Variants in RAPGEF5 observed in about 807,000 individuals in gnomAD.
RAPGEF5 encodes M-Ras-regulated GEF.
RAPGEF5 carries 65 observed loss-of-function variants against 125.2 expected under a neutral mutation model. The observed-to-expected ratio is 0.52, with a 90% confidence interval of 0.43 to 0.64. The LOEUF (loss-of-function observed/expected upper bound fraction) is 0.64. Ranked by LOEUF, RAPGEF5 falls within the 30% of genes least tolerant of loss-of-function variation. The pLI is 0.00. For missense variants in RAPGEF5, 958 were observed against 1,048.1 expected, an observed-to-expected ratio of 0.91 and a Z score of 1.19; for synonymous variants, 391 against 385.9, an observed-to-expected ratio of 1.01 and a Z score of -0.16.
At chr7:22,197,278 T>G (rs1785169037) in intron 9 of RAPGEF5, among the ~76,000 whole-genome samples, 1 of 152,210 alleles carries the variant, frequency 6.6e-6, no homozygotes, top group Admixed American at 6.5e-5. Context: ...TAAGTCAGCT[T>G]GAAGAGACCC....
chr7:22,240,528 T>C (rs1230327004), intron 7 of RAPGEF5, among the ~76,000 whole-genome samples: 1 of 151,984 alleles, frequency 6.6e-6, no homozygotes, highest in African/African-American at 2.4e-5. Flanking sequence ...CCCACCACCA[T>C]GCTCGGCTAA....
In RAPGEF5 at chr7:22,173,683, A is replaced by T. The variant is rs546095102; in HGVS notation, c.1205-6535T>A. Among the ~76,000 whole-genome samples the T allele has an allele frequency of 2.4e-4, 36 of 152,332 alleles. 1 individual carries two copies. The South Asian group carries it at 7.5e-3, about 32-fold the overall frequency. ...TGAATACAACAGGTATTCCGTTCTTAGCTATGCTTAATTCTATACACTGCC... is the reference window on the plus strand; with the variant it reads ...TGAATACAACAGGTATTCCGTTCTTTGCTATGCTTAATTCTATACACTGCC... On this transcript the variant is annotated intron_variant, in intron 11 of 25. Transcript: ENST00000665637.
intron 7 of RAPGEF5, among the ~76,000 whole-genome samples, chr7:22,249,701 A>G (rs1786570035): frequency 6.6e-6 from 1 of 152,196 alleles, no homozygotes; most frequent in Admixed American, 6.5e-5. Flanking sequence ...ACTATAACAT[A>G]TATGTTTTAT....
intron 15 of RAPGEF5, 131 bp from the exon 16 acceptor site, chr7:22,157,019 AGAGAAATAAACTGG>A: frequency 3.5e-6 from 5 of 1,422,778 alleles, no homozygotes; most frequent in Non-Finnish European, 4.6e-6. Flanking sequence ...ATCCAATCTT[AGAGAAATAAACTGG>A]GAGTCGCCTC....
chr7:22,125,793 A>T (rs1022863514), intron 24 of RAPGEF5, 135 bp from the exon 25 acceptor site: 3 of 811,790 alleles, frequency 3.7e-6, no homozygotes, highest in Non-Finnish European at 2.1e-6. Context: ...TTGGAGCTGG[A>T]TGTAGCTTTG....
At chr7:22,151,778 G>A (rs188165486) in intron 17 of RAPGEF5, among the ~76,000 whole-genome samples, 83 of 151,980 alleles carry the variant, frequency 5.5e-4, no homozygotes, top group Non-Finnish European at 7.9e-4. Context: ...CATTACTTTT[G>A]GTAAGTTTAC....
Position 22,136,134 on chromosome 7 carries a change from C to T in RAPGEF5, c.2329-9G>A. On this transcript the variant is annotated splice_polypyrimidine_tract_variant and intron_variant, in intron 22 of 25. Coordinates refer to ENST00000665637, the MANE Select transcript of RAPGEF5 (RefSeq NM_012294.5). Reference sequence around the variant, plus strand: ...TGATTTAGGGAAGGATCCTGCCGAACCAAGCAGATTACAAAGAGAAAGAAA... The same window carrying T: ...TGATTTAGGGAAGGATCCTGCCGAATCAAGCAGATTACAAAGAGAAAGAAA... 6.3e-7 allele frequency: 1 copy of T among 1,587,436 alleles called. No homozygotes were observed. Among genetic ancestry groups the T allele is most frequent in the South Asian group, 1.1e-5 (1 of 87,486 alleles).
intron 18 of RAPGEF5, 138 bp downstream of exon 18, chr7:22,150,269 G>T: frequency 2.6e-6 from 2 of 758,328 alleles, no homozygotes; most frequent in South Asian, 2.0e-5. Context: ...TAGAGACAGG[G>T]TTGCAAACTT....
intron 1 of RAPGEF5, among the ~76,000 whole-genome samples, chr7:22,333,457 A>G (rs1783961298): frequency 6.6e-6 from 1 of 152,238 alleles, no homozygotes; most frequent in South Asian, 2.1e-4. Context: ...CTGAAGGGAA[A>G]GATTATTTCA....
At chr7:22,198,800 G>T (rs941448321) in intron 9 of RAPGEF5, among the ~76,000 whole-genome samples, 7 of 152,172 alleles carry the variant, frequency 4.6e-5, no homozygotes, top group African/African-American at 1.7e-4. Context: ...TCACTATAAT[G>T]ATCCTATGAG....
rs530632905 is a variant in RAPGEF5, at chr7:22,125,643, T to C, written c.2497A>G (p.Thr833Ala). 3 of 1,611,862 alleles carry C rather than the reference T, an allele frequency of 1.9e-6. No homozygotes were observed. The South Asian group carries it at 3.3e-5, about 18-fold the overall frequency. Reference sequence around the variant, plus strand: ...CTGCAGTGTCTCAGGGTTCGGACAGTGTCTGCGATCATATGCTGTAAAGTA... The same window carrying C: ...CTGCAGTGTCTCAGGGTTCGGACAGCGTCTGCGATCATATGCTGTAAAGTA... ...NFEKLHMIAD[T>A]VRTLRHCRTN... is the part of the protein sequence containing the mutation. The change falls in exon 25 of 26, where the codon ACT (threonine) becomes GCT (alanine). Residue 833 changes from threonine (T) to alanine (A), a missense_variant. Physicochemically the swap from Thr to Ala is moderately conservative, Grantham distance 58 (BLOSUM62 0). Transcript: ENST00000665637.
intron 8 of RAPGEF5, among the ~76,000 whole-genome samples, chr7:22,228,060 CA>C (rs551608812): frequency 3.3e-5 from 5 of 152,122 alleles, no homozygotes; most frequent in Non-Finnish European, 7.4e-5. Flanking sequence ...ATATTCCAAC[CA>C]AAAAGCAATG....
intron 1 of RAPGEF5, among the ~76,000 whole-genome samples, chr7:22,351,188 T>C (rs1480760729): frequency 2.6e-5 from 4 of 152,230 alleles, no homozygotes; most frequent in Non-Finnish European, 5.9e-5. Flanking sequence ...TCTTGCTTTG[T>C]TGCCCAGGCT....
At position 22,156,893 on chromosome 7, in the gene RAPGEF5, G is replaced by A. The variant is rs377171694; in HGVS notation, c.1558-5C>T. The A allele has an allele frequency of 6.2e-7, 1 of 1,613,738 alleles. No individual in the cohort carries two copies. Among genetic ancestry groups the A allele is most frequent in the Non-Finnish European group, 8.5e-7 (1 of 1,179,806 alleles). On this transcript the variant is annotated splice_region_variant and splice_polypyrimidine_tract_variant and intron_variant, in intron 15 of 25. Transcript: ENST00000665637. ...TTGGTGGAAAAGGGCTTTATTCTGTGAGATGGGAGAAAGAGAACAATGAAT... is the reference window on the plus strand; with the variant it reads ...TTGGTGGAAAAGGGCTTTATTCTGTAAGATGGGAGAAAGAGAACAATGAAT...
chr7:22,182,980 T>A (rs530893526), intron 11 of RAPGEF5, among the ~76,000 whole-genome samples: 66 of 152,096 alleles, frequency 4.3e-4, no homozygotes, highest in Non-Finnish European at 7.6e-4. Flanking sequence ...GCTATTAGAT[T>A]TTATATTTGA....
At chr7:22,130,944 A>G in intron 24 of RAPGEF5, 93 bp downstream of exon 24, 5 of 1,483,812 alleles carry the variant, frequency 3.4e-6, no homozygotes, top group Non-Finnish European at 4.5e-6. Flanking sequence ...TCCAATGGAG[A>G]AAAGTACTAA....
chr7:22,335,373 G>A (rs1784006017), intron 1 of RAPGEF5, among the ~76,000 whole-genome samples: 1 of 152,210 alleles, frequency 6.6e-6, no homozygotes, highest in African/African-American at 2.4e-5. Context: ...GGGAAAGGCA[G>A]AGGTAGATAA....
At chr7:22,142,660 C>T (rs919565836) in intron 20 of RAPGEF5, among the ~76,000 whole-genome samples, 1 of 152,202 alleles carries the variant, frequency 6.6e-6, no homozygotes, top group Admixed American at 6.5e-5. Flanking sequence ...CCTCTGTTAA[C>T]GAGGGTCATT....
chr7:22,146,842 A>C (rs1471381697), intron 19 of RAPGEF5, 55 bp downstream of exon 19: 2 of 1,565,822 alleles, frequency 1.3e-6, no homozygotes, highest in Non-Finnish European at 1.7e-6. Context: ...TATTCTTCAC[A>C]AAGAATTCAC....
Sources: allele counts gnomAD v4.1 joint callset (sites outside exome capture counted in the v4.1 genomes callset), GRCh38; gene constraint gnomAD v4.1.1; transcripts MANE v1.5; gene names NCBI Gene and HGNC (gene_info 2026-07-23, HGNC 2026-07-21).